LRRK2: variants seen among roughly 807,000 people sequenced by gnomAD.
LRRK2 encodes the protein leucine rich repeat kinase 2, also known as leucine-rich repeat serine/threonine-protein kinase 2.
LRRK2 carries 203 observed loss-of-function variants against 302.6 expected under a neutral mutation model. That is an observed-to-expected ratio of 0.67 (90% CI 0.60 to 0.75). LRRK2 has a LOEUF of 0.75. LRRK2 is among the 30% of genes least tolerant of loss of function. The pLI is 0.00. For synonymous variants in LRRK2, 1,066 were observed against 1,031.9 expected (o/e 1.03, Z -0.63); for missense variants, 2,830 against 2,951.0 (o/e 0.96, Z 0.95).
chr12:40,355,514 T>TCCCCCCCTCCCC (rs1946502520), intron 45 of LRRK2, among the ~76,000 whole-genome samples: 1 of 48,732 alleles, frequency 2.1e-5, no homozygotes, highest in South Asian at 9.9e-4. Context: ...CATCCCTCCC[T>TCCCCCCCTCCCC]CCCTCCCTCC....
chr12:40,235,272 C>A (rs1399783083), intron 3 of LRRK2, among the ~76,000 whole-genome samples: 3 of 152,056 alleles, frequency 2.0e-5, no homozygotes, highest in African/African-American at 7.3e-5. Flanking sequence ...GAAGTTTAGA[C>A]CAGCCTAGGC....
At chr12:40,307,093 T>A (rs1054509423) in intron 28 of LRRK2, among the ~76,000 whole-genome samples, 1 of 151,574 alleles carries the variant, frequency 6.6e-6, no homozygotes, top group African/African-American at 2.4e-5. Context: ...TTTAAACATG[T>A]TTAACATTTT....
intron 21 of LRRK2, 30 bp from the exon 22 acceptor site, chr12:40,294,815 G>A (rs1944315279): frequency 6.3e-6 from 8 of 1,260,812 alleles, no homozygotes; most frequent in South Asian, 2.5e-5. Flanking sequence ...ATAAATGACA[G>A]CAATTTTATT....
At chr12:40,305,063 A>G (rs1373256472) in intron 27 of LRRK2, 2 of 152,230 alleles carry the variant, frequency 1.3e-5, no homozygotes, top group South Asian at 2.1e-4. Context: ...CCACCATGCT[A>G]TCACCCTAAT....
intron 3 of LRRK2, among the ~76,000 whole-genome samples, chr12:40,234,535 C>T (rs917830552): frequency 3.8e-4 from 57 of 151,558 alleles, no homozygotes; most frequent in African/African-American, 1.1e-3. Context: ...TACGCCACCA[C>T]GCCCAGCTAA....
intron 10 of LRRK2, 66 bp from the exon 11 acceptor site, chr12:40,252,844 G>T (rs1005003670): frequency 2.0e-6 from 2 of 1,024,642 alleles, no homozygotes; most frequent in Non-Finnish European, 3.1e-6. Flanking sequence ...TTTGATAATG[G>T]CAAGTGAGAA....
intron 47 of LRRK2, 24 bp downstream of exon 47, chr12:40,359,468 A>G: frequency 6.3e-7 from 1 of 1,597,000 alleles, no homozygotes; most frequent in African/African-American, 1.3e-5. Flanking sequence ...TATCTGTACA[A>G]GTAATTTATC....
rs11564176 is a variant in LRRK2 at position 40,322,037 on chromosome 12, C to T, written c.5173C>T (p.Arg1725Ter). The T allele has an allele frequency of 2.6e-5, 42 of 1,612,836 alleles. 1 individual carries two copies. The Admixed American group carries it at 4.3e-4, about 17-fold the overall frequency. The change falls in exon 36 of 51, where the codon CGA (arginine) becomes TGA (stop). Residue 1725 changes from arginine to a stop codon, truncating the protein, a stop_gained and splice_region_variant. Coordinates refer to ENST00000298910, the MANE Select transcript of LRRK2 (RefSeq NM_198578.4). LOFTEE classifies it high-confidence loss of function. ...ISPYMLSGRE[R>*]ALRPNRMYWR... is the part of the protein sequence containing the mutation. Reference sequence around the variant, plus strand: ...TAATTAATGGCTCCATTTTTTAGAACGAGCACTTCGCCCAAACAGAATGTA... The same window carrying T: ...TAATTAATGGCTCCATTTTTTAGAATGAGCACTTCGCCCAAACAGAATGTA...
chr12:40,262,014 A>G (rs1942796185), intron 13 of LRRK2, among the ~76,000 whole-genome samples: 1 of 152,144 alleles, frequency 6.6e-6, no homozygotes, highest in South Asian at 2.1e-4. Context: ...TTGTTTCTTG[A>G]GTTACTGCTA....
chr12:40,306,267 T>C (rs1944819698), intron 28 of LRRK2, among the ~76,000 whole-genome samples: 1 of 152,050 alleles, frequency 6.6e-6, no homozygotes, highest in South Asian at 2.1e-4. Context: ...TGGTTACCAA[T>C]TACACAATCT....
intron 3 of LRRK2, 156 bp downstream of exon 3, chr12:40,232,539 AGAGAGCTTTAAACT>A: frequency 1.6e-6 from 1 of 643,206 alleles, no homozygotes; most frequent in Non-Finnish European, 2.8e-6. Flanking sequence ...TTACATTTAT[AGAGAGCTTTAAACT>A]CAGAAGTTTG....
At chr12:40,272,611 C>T (rs1309293239) in intron 14 of LRRK2, among the ~76,000 whole-genome samples, 3 of 152,058 alleles carry the variant, frequency 2.0e-5, no homozygotes, top group Non-Finnish European at 4.4e-5. Flanking sequence ...TATGAAATCC[C>T]ATCCATGAAT....
intron 39 of LRRK2, 49 bp from the exon 40 acceptor site, chr12:40,334,918 G>A (rs773178304): frequency 6.3e-7 from 1 of 1,599,592 alleles, no homozygotes; most frequent in Non-Finnish European, 8.5e-7. Context: ...GAGATACGTG[G>A]GTAAAACCTG....
chr12:40,239,862 G>A (rs1303504792), intron 5 of LRRK2, among the ~76,000 whole-genome samples: 1 of 152,134 alleles, frequency 6.6e-6, no homozygotes, highest in African/African-American at 2.4e-5. Context: ...CCATTCTCAA[G>A]CTAGATAAAC....
At position 40,257,507 on chromosome 12, in the gene LRRK2, G is replaced by A. The variant is rs1341806525; in HGVS notation, c.1418+130G>A. ...AGACACTTGAAAACTGAAGCATTTT[G>A]CAATGTAATCTCGTGTCACTAGTAC... On this transcript the variant is annotated intron_variant, in intron 12 of 50. Transcript: ENST00000298910. 3.7e-6 allele frequency: 4 copies of A among 1,092,814 alleles called. No individual in the cohort carries two copies. The East Asian group carries it at 9.8e-5, about 27-fold the overall frequency. 67.7% of individuals were successfully genotyped at this position (1,092,814 alleles called of 1,614,324 possible). A position where few individuals can be genotyped will look rare whatever the true frequency, so the allele number is the denominator to read the frequency against.
chr12:40,351,781 A>G (rs1172530035), intron 44 of LRRK2, 48 bp downstream of exon 44: 8 of 1,561,876 alleles, frequency 5.1e-6, no homozygotes, highest in Non-Finnish European at 7.0e-6. Context: ...AGCATATACC[A>G]TTTGGAAAGT....
intron 3 of LRRK2, 43 bp downstream of exon 3, chr12:40,232,426 A>T: frequency 7.1e-7 from 1 of 1,399,970 alleles, no homozygotes; most frequent in East Asian, 2.3e-5. Context: ...TTGAGTATTT[A>T]TTTGTACACA....
chr12:40,289,736 C>G (rs1406233446), intron 20 of LRRK2, among the ~76,000 whole-genome samples: 1 of 151,548 alleles, frequency 6.6e-6, no homozygotes, highest in African/African-American at 2.4e-5. Flanking sequence ...TCCAGTAGTT[C>G]ACTGTTGATA....
chr12:40,331,186 AAAG>A (rs1394522905), intron 39 of LRRK2, among the ~76,000 whole-genome samples: 2 of 152,180 alleles, frequency 1.3e-5, no homozygotes, highest in Non-Finnish European at 1.5e-5. Context: ...ATTGATTGTT[AAAG>A]AAGGACTGTA....
Sources: allele counts gnomAD v4.1 joint callset (sites outside exome capture counted in the v4.1 genomes callset), GRCh38; gene constraint gnomAD v4.1.1; transcripts MANE v1.5; gene names NCBI Gene and HGNC (gene_info 2026-07-23, HGNC 2026-07-21).